Variants in INPP4B observed in about 807,000 individuals in gnomAD.
INPP4B encodes the protein inositol polyphosphate 4-phosphatase type II.
A neutral mutation model predicts 122.5 loss-of-function variants in INPP4B; 55 were observed. That is an observed-to-expected ratio of 0.45 (90% CI 0.36 to 0.56). The LOEUF (loss-of-function observed/expected upper bound fraction) is 0.56. Among genes scored for constraint, INPP4B ranks in the 20% least tolerant of loss-of-function variants. The pLI is 0.00. For synonymous variants in INPP4B, 403 were observed against 388.7 expected (o/e 1.04, Z -0.43); for missense variants, 1,000 against 1,097.7 (o/e 0.91, Z 1.26).
intron 2 of INPP4B, among the ~76,000 whole-genome samples, chr4:142,562,982 T>C (rs953158486): frequency 3.9e-5 from 6 of 152,126 alleles, no homozygotes; most frequent in African/African-American, 1.2e-4. Context: ...CAAACTTAAG[T>C]CAAAACACCT....
At chr4:142,555,161 C>T (rs982383266) in intron 2 of INPP4B, among the ~76,000 whole-genome samples, 1 of 152,062 alleles carries the variant, frequency 6.6e-6, no homozygotes, top group Non-Finnish European at 1.5e-5. Context: ...ACCATAGCAA[C>T]CCAAAAGAGA....
chr4:142,098,935 T>C (rs1783279337), intron 23 of INPP4B, among the ~76,000 whole-genome samples: 1 of 152,000 alleles, frequency 6.6e-6, no homozygotes, highest in Non-Finnish European at 1.5e-5. Flanking sequence ...CAACATTAGA[T>C]GTTGGAAAGA....
Position 142,086,178 on chromosome 4 carries a change from C to CT in INPP4B, c.2452dup (p.Arg818LysfsTer26), listed in dbSNP as rs772784869. 8 of 1,601,314 alleles carry CT rather than the reference C, an allele frequency of 5.0e-6. No individual in the cohort carries two copies. Among genetic ancestry groups the CT allele is most frequent in the Admixed American group, 1.7e-5 (1 of 59,902 alleles). On this transcript the variant is annotated frameshift_variant, in exon 24 of 26. Transcript: ENST00000262992. LOFTEE classifies it high-confidence loss of function. ...CAGCCACATAATTTCTACATTCTTT[C>CT]TTTTTTTGGATTGGATATTTTGAAG... is the stretch of plus-strand genomic sequence containing the variant.
intron 7 of INPP4B, among the ~76,000 whole-genome samples, chr4:142,373,222 C>T (rs1042002504): frequency 1.1e-4 from 16 of 151,904 alleles, no homozygotes; most frequent in African/African-American, 3.9e-4. Flanking sequence ...TAGATTGGTG[C>T]CCTTTCATAA....
chr4:142,811,239 A>G (rs1276451359), intron 1 of INPP4B, among the ~76,000 whole-genome samples: 7 of 152,188 alleles, frequency 4.6e-5, no homozygotes, highest in African/African-American at 7.2e-5. Context: ...GGCAGTGGCT[A>G]TCATTGCCTC....
At chr4:142,084,690 C>T (rs1352278888) in intron 24 of INPP4B, among the ~76,000 whole-genome samples, 1 of 152,068 alleles carries the variant, frequency 6.6e-6, no homozygotes, top group Non-Finnish European at 1.5e-5. Flanking sequence ...GGTCAGTATA[C>T]ACATTTCAAA....
intron 14 of INPP4B, among the ~76,000 whole-genome samples, chr4:142,203,518 T>C (rs1471838735): frequency 1.3e-5 from 2 of 152,068 alleles, no homozygotes; most frequent in Non-Finnish European, 2.9e-5. Flanking sequence ...TTGTTTTGAA[T>C]TTTGGGGTTT....
chr4:142,737,566 T>C, intron 1 of INPP4B, among the ~76,000 whole-genome samples: 1 of 152,054 alleles, frequency 6.6e-6, no homozygotes, highest in Non-Finnish European at 1.5e-5. Flanking sequence ...GGACTTCATG[T>C]CTAAAACACC....
chr4:142,818,924 A>C lies in INPP4B; in HGVS notation c.-254+27285T>G, dbSNP rs114701718. Among the ~76,000 whole-genome samples, 838 of 152,278 alleles carry C rather than the reference A, an allele frequency of 5.5e-3. 5 individuals carry two copies. The highest frequency in any genetic ancestry group is 0.019 in the African/African-American group (799 of 41,576). On this transcript the variant is annotated intron_variant, in intron 1 of 25. Transcript: ENST00000262992. ...GCTTATGAGTTTTTGGTCCACTAGC[A>C]TGTGAATGCCAAGAGGACAAGCACT...
At chr4:142,125,383 CATAA>C (rs1307410739) in intron 18 of INPP4B, among the ~76,000 whole-genome samples, 1 of 152,050 alleles carries the variant, frequency 6.6e-6, no homozygotes, top group Non-Finnish European at 1.5e-5. Flanking sequence ...CTAAAGCATT[CATAA>C]ATAAATAAAG....
chr4:142,751,479 C>G (rs2150950247), intron 1 of INPP4B, among the ~76,000 whole-genome samples: 1 of 137,720 alleles, frequency 7.3e-6, no homozygotes, highest in South Asian at 2.5e-4. Flanking sequence ...CTAACACATA[C>G]TTTGTTTCCA....
chr4:142,698,374 T>C (rs1040814853), intron 2 of INPP4B, among the ~76,000 whole-genome samples: 6 of 152,064 alleles, frequency 3.9e-5, no homozygotes, highest in Non-Finnish European at 8.8e-5. Context: ...AGTGTTATTC[T>C]TGTCATAACT....
At position 142,366,187 on chromosome 4, in the gene INPP4B, C is replaced by CCACCCCCTG. The variant is rs545344075; in HGVS notation, c.372+36742_372+36750dup. Among the ~76,000 whole-genome samples the CCACCCCCTG allele has an allele frequency of 2.5e-3, 375 of 152,182 alleles. 2 individuals are homozygous for CCACCCCCTG. The highest frequency in any genetic ancestry group is 4.6e-3 in the Non-Finnish European group (310 of 67,994). ...CACTTCAGAATGTACTTTGTGAGAT[C>CCACCCCCTG]CACCCCCTGCCTGCAAAACATTGCT... On this transcript the variant is annotated intron_variant, in intron 7 of 25. Transcript: ENST00000262992.
At chr4:142,782,535 C>A (rs1430391320) in intron 1 of INPP4B, among the ~76,000 whole-genome samples, 2 of 151,598 alleles carry the variant, frequency 1.3e-5, no homozygotes, top group Non-Finnish European at 2.9e-5. Flanking sequence ...ATTTCTAGTT[C>A]TAGATCCCTG....
At chr4:142,064,895 AC>A (rs2152454391) in intron 25 of INPP4B, among the ~76,000 whole-genome samples, 1 of 152,312 alleles carries the variant, frequency 6.6e-6, no homozygotes, top group African/African-American at 2.4e-5. Flanking sequence ...ATATAATGGC[AC>A]AATTTTCTCA....
In INPP4B at chr4:142,108,109, T is replaced by C. The variant is rs753101379; in HGVS notation, c.2358A>G (p.Glu786=). Residue 786 remains glutamate, a synonymous_variant, in exon 23 of 26, where the codon GAA becomes GAG. Coordinates refer to ENST00000262992, the MANE Select transcript of INPP4B (RefSeq NM_001101669.3). The part of the protein sequence containing the change: ...LLQEYYKIFM[E]KMPPDYISHF... ...CATACTTACAATCAGGAGGCATCTT[T>C]TCCATAAATATCTTGTAATATTCTT... 1 of 1,544,866 alleles carries C rather than the reference T, an allele frequency of 6.5e-7. No homozygotes were observed. Among genetic ancestry groups the C allele is most frequent in the South Asian group, 1.1e-5 (1 of 88,508 alleles).
At chr4:142,295,784 G>A (rs1374763602) in intron 9 of INPP4B, among the ~76,000 whole-genome samples, 2 of 145,198 alleles carry the variant, frequency 1.4e-5, no homozygotes, top group Non-Finnish European at 3.0e-5. Context: ...AAACTTATTT[G>A]GCCACAGAAT....
At chr4:142,835,258 T>G (rs1282194606) in intron 1 of INPP4B, among the ~76,000 whole-genome samples, 1 of 152,184 alleles carries the variant, frequency 6.6e-6, no homozygotes, top group Non-Finnish European at 1.5e-5. Context: ...TATATGCAGC[T>G]TCCTGAGACA....
intron 9 of INPP4B, among the ~76,000 whole-genome samples, chr4:142,292,276 G>A (rs1419193250): frequency 1.3e-5 from 2 of 151,840 alleles, no homozygotes; most frequent in African/African-American, 4.9e-5. Flanking sequence ...CCTGGTAACA[G>A]TGATGAAACT....
Sources: allele counts gnomAD v4.1 joint callset (sites outside exome capture counted in the v4.1 genomes callset), GRCh38; gene constraint gnomAD v4.1.1; transcripts MANE v1.5; gene names NCBI Gene and HGNC (gene_info 2026-07-23, HGNC 2026-07-21).